The following PHF3 variants were observed in gnomAD, a reference collection of about 807,000 sequenced individuals.
The protein encoded by PHF3 is PHD finger protein 3.
In PHF3, 41 loss-of-function variants were observed where a neutral mutation model predicts 178.4. The observed-to-expected ratio is 0.23, with a 90% CI of 0.18 to 0.30. The LOEUF (loss-of-function observed/expected upper bound fraction) is 0.30, where lower values mean the gene tolerates loss of function less well. PHF3 is among the 10% of genes least tolerant of loss of function. The probability of loss-of-function intolerance (pLI) is 1.00; values close to 1 mark genes in which losing one functional copy is unlikely to be tolerated. For missense variants in PHF3, 2,346 were observed against 2,398.1 expected (o/e 0.98, Z 0.45); for synonymous variants, 842 against 800.5 (o/e 1.05, Z -0.88).
rs183599978 is a variant in PHF3, at chr6:63,699,681, C to T, written c.2983-669C>T. ...ATCTCAGCTCACTGCAGCCTCCACT[C>T]CCGGGTTCAGATGATTGTCCTGCCT... On this transcript the variant is annotated intron_variant, in intron 8 of 15. Coordinates refer to ENST00000262043, the MANE Select transcript of PHF3 (RefSeq NM_001370348.2). Among the ~76,000 whole-genome samples the T allele has an allele frequency of 4.1e-3, 621 of 152,196 alleles. 3 individuals carry two copies. Among genetic ancestry groups the T allele is most frequent in the African/African-American group, 0.015 (603 of 41,518 alleles).
In PHF3 at chr6:63,691,816, A is replaced by T. The variant is rs772060518; in HGVS notation, c.2269A>T (p.Met757Leu). The T allele has an allele frequency of 1.2e-6, 2 of 1,613,856 alleles. No individual in the cohort carries two copies. The highest frequency in any genetic ancestry group is 8.5e-7 in the Non-Finnish European group (1 of 1,179,866). ...GTTAAGTCTTTCTCAAGCACAGCAG[A>T]TGGGCGAGGAAGACAAAGAATATGT... ...VGLSLSQAQQ[M>L]GEEDKEYVCV... Residue 757 changes from methionine to leucine, a missense_variant, in exon 5 of 16, where the codon ATG (methionine) becomes TTG (leucine). This residue lies in a region of PHF3 where 72 missense variants were observed against 110.5 expected (regional missense o/e 0.65). Transcript: ENST00000262043.
At chr6:63,699,520 C>T (rs909785052) in intron 8 of PHF3, among the ~76,000 whole-genome samples, 1 of 152,198 alleles carries the variant, frequency 6.6e-6, no homozygotes, top group Admixed American at 6.5e-5. Context: ...TCCCGAGGAT[C>T]AGATGCTTCT....
chr6:63,711,958 T>G lies in PHF3; in HGVS notation c.4370T>G (p.Leu1457Arg). Residue 1457 changes from leucine (L) to arginine (R), a missense_variant, in exon 16 of 16, where the codon CTG (leucine) becomes CGG (arginine). Coordinates refer to ENST00000262043, the MANE Select transcript of PHF3 (RefSeq NM_001370348.2). ...GGCTGGGAGAATCAACCTACTACTC[T>G]GGAATTAGCAAATAAACCTCTTCCT... is the stretch of plus-strand genomic sequence containing the variant. Reference protein sequence around the residue: ...LIGWENQPTTLELANKPLPVD... With the variant: ...LIGWENQPTTRELANKPLPVD... 1 of 1,613,730 alleles carries G rather than the reference T, an allele frequency of 6.2e-7. No individual in the cohort carries two copies.
rs1224664316 is a variant in PHF3, at chr6:63,712,688, G to A, written c.5100G>A (p.Lys1700=). 1 of 1,613,938 alleles carries A rather than the reference G, an allele frequency of 6.2e-7. No individual in the cohort carries two copies. Among genetic ancestry groups the A allele is most frequent in the Non-Finnish European group, 8.5e-7 (1 of 1,179,954 alleles). ...CAGAACAAATCAATGTAGAGGAAAA[G>A]TTGTGTTCTGCAGAGAAAAACTCGT... is the stretch of plus-strand genomic sequence containing the variant. ...HLTEQINVEE[K]LCSAEKNSCV... is the part of the protein sequence containing the mutation. The change falls in exon 16 of 16, where the codon AAG becomes AAA. Residue 1700 remains lysine, a synonymous_variant. Transcript: ENST00000262043.
chr6:63,652,434 TATTA>T (rs1402941239), intron 2 of PHF3, among the ~76,000 whole-genome samples: 44 of 152,204 alleles, frequency 2.9e-4, no homozygotes, highest in Non-Finnish European at 2.5e-4. Flanking sequence ...ATATTCTGGA[TATTA>T]ATCCCTTGTT....
At chr6:63,646,249 G>T (rs995417594) in intron 1 of PHF3, among the ~76,000 whole-genome samples, 1 of 151,124 alleles carries the variant, frequency 6.6e-6, no homozygotes, top group Non-Finnish European at 1.5e-5. Context: ...TATATACATA[G>T]TTTTTTTTTC....
rs762560916 is a variant in PHF3, at chr6:63,685,471, A to T, written c.1749A>T (p.Gln583His). 7 of 1,613,972 alleles carry T rather than the reference A, an allele frequency of 4.3e-6. No individual in the cohort carries two copies. The highest frequency in any genetic ancestry group is 1.3e-5 in the African/African-American group (1 of 74,890). Residue 583 changes from glutamine (Q) to histidine (H), a missense_variant, in exon 4 of 16, where the codon CAA becomes CAT. By Grantham distance (24) the Gln-to-His change is conservative (BLOSUM62 0). Transcript: ENST00000262043. ...HSVLKKTLQD[Q>H]TLVQIFKPLT... ...TACTGAAAAAAACATTACAGGATCA[A>T]ACTTTAGTACAAATTTTCAAGCCCT...
intron 10 of PHF3, among the ~76,000 whole-genome samples, chr6:63,703,018 C>T (rs1767540253): frequency 6.6e-6 from 1 of 152,238 alleles, no homozygotes; most frequent in Non-Finnish European, 1.5e-5. Flanking sequence ...GTTGGGATTA[C>T]AGGCATGCGC....
chr6:63,713,786 G>A lies in PHF3; in HGVS notation c.*78G>A, dbSNP rs150612044. ...CTTGTAAACAAAAGAAAGATTGCCT[G>A]CTAGGATTGTGCCATCTTTAAAATT... On this transcript the variant is annotated 3_prime_UTR_variant, in exon 16 of 16. Coordinates refer to ENST00000262043, the MANE Select transcript of PHF3 (RefSeq NM_001370348.2). 710 of 1,231,726 alleles carry A rather than the reference G, an allele frequency of 5.8e-4. 1 individual carries two copies. In the African/African-American group the frequency reaches 8.1e-3, roughly 14 times the overall value. The allele number at this position is 1,231,726 out of a possible 1,614,324, so 76.3% of individuals were successfully genotyped here.
At position 63,714,555 on chromosome 6, in the gene PHF3, T is replaced by C. The variant is rs763602113; in HGVS notation, c.*847T>C. 3 of 152,502 alleles carry C rather than the reference T, an allele frequency of 2.0e-5. No individual in the cohort carries two copies. Among genetic ancestry groups the C allele is most frequent in the African/African-American group, 4.8e-5 (2 of 41,434 alleles). The allele number at this position is 152,502 out of a possible 1,614,324, so 9.4% of individuals were successfully genotyped here. A position where few individuals can be genotyped will look rare whatever the true frequency, so the allele number is the denominator to read the frequency against. On this transcript the variant is annotated 3_prime_UTR_variant, in exon 16 of 16. Coordinates refer to ENST00000262043, the MANE Select transcript of PHF3 (RefSeq NM_001370348.2). ...TTTTTGTTACTCAGCCAAGAACATA[T>C]AGAAATAGCTATCTATGTCAGGCAT...
intron 6 of PHF3, among the ~76,000 whole-genome samples, chr6:63,696,492 G>T (rs1767235245): frequency 6.6e-6 from 1 of 151,910 alleles, no homozygotes; most frequent in Admixed American, 6.6e-5. Flanking sequence ...CTAATTTTTT[G>T]ATTTTTTGTA....
chr6:63,721,437 G>C lies in PHF3; in HGVS notation c.*7729G>C, dbSNP rs1441665540. 6.4e-7 allele frequency: 1 copy of C among 1,551,528 alleles called. No homozygotes were observed. The highest frequency in any genetic ancestry group is 2.0e-5 in the Admixed American group (1 of 50,978). On this transcript the variant is annotated 3_prime_UTR_variant, in exon 16 of 16. Transcript: ENST00000262043. ...GTCACCTACATTTGAGCCACCTTTT[G>C]CTCCAAATTCAGTTAATTGTAATTC... is the stretch of plus-strand genomic sequence containing the variant.
intron 2 of PHF3, among the ~76,000 whole-genome samples, chr6:63,656,917 T>G (rs911035471): frequency 1.3e-5 from 2 of 152,216 alleles, no homozygotes; most frequent in Non-Finnish European, 1.5e-5. Flanking sequence ...TTGCCTTTCC[T>G]CCAACCCAGT....
intron 2 of PHF3, among the ~76,000 whole-genome samples, chr6:63,659,712 A>G (rs1765387582): frequency 6.6e-6 from 1 of 152,190 alleles, no homozygotes; most frequent in African/African-American, 2.4e-5. Flanking sequence ...CCTAATCTGA[A>G]AATCCCAACT....
At chr6:63,710,253 T>G (rs1373608693) in intron 14 of PHF3, among the ~76,000 whole-genome samples, 2 of 152,194 alleles carry the variant, frequency 1.3e-5, no homozygotes. Flanking sequence ...TGAGAATCAC[T>G]CTTGAATCCA....
Position 63,649,643 on chromosome 6 carries a change from A to G in PHF3, c.244+2848A>G, listed in dbSNP as rs147179543. On this transcript the variant is annotated intron_variant, in intron 2 of 15. Coordinates refer to ENST00000262043, the MANE Select transcript of PHF3 (RefSeq NM_001370348.2). ...AAAATTATAAAAATAAGAAACATAG[A>G]AGATTACGTTTAGTGCTCTGTTGGA... 4.3e-3 allele frequency among the ~76,000 whole-genome samples: 662 copies of G among 152,318 alleles called. 7 individuals are homozygous for G. Among genetic ancestry groups the G allele is most frequent in the African/African-American group, 0.015 (634 of 41,568 alleles).
chr6:63,635,844 C>T lies in PHF3; in HGVS notation c.-332C>T, dbSNP rs1181562199. Reference sequence around the variant, plus strand: ...CGGCCCCTCTCCAGCTCCCGCGCCGCCGCCGCACGCCGATGGCTGCGGGGT... The same window carrying T: ...CGGCCCCTCTCCAGCTCCCGCGCCGTCGCCGCACGCCGATGGCTGCGGGGT... On this transcript the variant is annotated 5_prime_UTR_variant, in exon 1 of 16. Transcript: ENST00000262043. 1.0e-5 allele frequency: 4 copies of T among 396,502 alleles called. No individual in the cohort carries two copies. Among genetic ancestry groups the T allele is most frequent in the Non-Finnish European group, 1.8e-5 (4 of 224,642 alleles). 24.6% of individuals were successfully genotyped at this position (396,502 alleles called of 1,614,324 possible). A position where few individuals can be genotyped will look rare whatever the true frequency, so the allele number is the denominator to read the frequency against.
At position 63,717,393 on chromosome 6, in the gene PHF3, TACTA is replaced by T. The variant is rs1354878537; in HGVS notation, c.*3687_*3690del. Among the ~76,000 whole-genome samples, 2 of 152,116 alleles carry T rather than the reference TACTA, an allele frequency of 1.3e-5. No individual in the cohort carries two copies. The highest frequency in any genetic ancestry group is 4.8e-5 in the African/African-American group (2 of 41,454). On this transcript the variant is annotated 3_prime_UTR_variant, in exon 16 of 16. Coordinates refer to ENST00000262043, the MANE Select transcript of PHF3 (RefSeq NM_001370348.2). The stretch of plus-strand genomic sequence containing the variant: ...CTGTAACACTGGTCAGGCTACAACT[TACTA>T]ATGACTACAAAGAACTATATACACA...
intron 10 of PHF3, 145 bp downstream of exon 10, chr6:63,702,784 T>C: frequency 1.4e-6 from 1 of 722,852 alleles, no homozygotes; most frequent in Non-Finnish European, 2.2e-6. Context: ...TAGTGGTTTT[T>C]TGAGTGTTGA....
Sources: gnomAD v4.1 joint callset for allele counts (sites outside exome capture counted in the v4.1 genomes callset) on GRCh38, gnomAD v4.1.1 for gene constraint, gnomAD v4.1.1 regional missense constraint, MANE v1.5 for transcripts, NCBI Gene and HGNC (gene_info 2026-07-23, HGNC 2026-07-21) for gene names.